The following CCDC92B variants were observed in gnomAD, a reference collection of about 807,000 sequenced individuals.
CCDC92B encodes the protein coiled-coil domain-containing 92B.
In CCDC92B, 2 loss-of-function variants were observed where a neutral mutation model predicts 5.6. That is an observed-to-expected ratio of 0.36 (90% CI 0.15 to 1.12). The LOEUF is 1.12. CCDC92B is among the 50% of genes most tolerant of loss of function. The pLI, the probability that CCDC92B is intolerant of heterozygous loss-of-function variation, is 0.40. For missense variants in CCDC92B, 271 were observed against 262.2 expected (o/e 1.03, Z -0.23); for synonymous variants, 115 against 122.3 (o/e 0.94, Z 0.39).
intron 2 of CCDC92B, among the ~76,000 whole-genome samples, chr17:2,733,262 T>C (rs1025247752): frequency 4.2e-4 from 61 of 145,206 alleles, no homozygotes; most frequent in Admixed American, 2.6e-3. Flanking sequence ...CCTCTTCTCT[T>C]TTTTTTTTTT....
At chr17:2,727,805 CAG>C (rs1344783340) in intron 3 of CCDC92B, among the ~76,000 whole-genome samples, 10 of 141,462 alleles carry the variant, frequency 7.1e-5, no homozygotes, top group South Asian at 2.3e-4. Flanking sequence ...GCCTGGGCGC[CAG>C]AGTGAGACTC....
chr17:2,735,351 G>A (rs2070846263), intron 1 of CCDC92B, among the ~76,000 whole-genome samples, 183 bp from the exon 2 acceptor site: 1 of 152,212 alleles, frequency 6.6e-6, no homozygotes, highest in South Asian at 2.1e-4. Context: ...GAGTTGGCAG[G>A]AAAGCATCAT....
chr17:2,735,423 C>A (rs2070847195), intron 1 of CCDC92B, among the ~76,000 whole-genome samples: 1 of 152,126 alleles, frequency 6.6e-6, no homozygotes, highest in Non-Finnish European at 1.5e-5. Context: ...TTCTCCTGTT[C>A]CCATGTAACT....
intron 2 of CCDC92B, among the ~76,000 whole-genome samples, chr17:2,732,631 T>G (rs1173552252): frequency 6.7e-6 from 1 of 149,120 alleles, no homozygotes; most frequent in Non-Finnish European, 1.5e-5. Context: ...GCAGGAGAAT[T>G]GCTTGAACCC....
chr17:2,732,792 T>A (rs1414602134), intron 2 of CCDC92B, among the ~76,000 whole-genome samples: 2 of 150,690 alleles, frequency 1.3e-5, no homozygotes, highest in Non-Finnish European at 2.9e-5. Flanking sequence ...GGTGGGCGGA[T>A]CACGAGGTCA....
chr17:2,724,368 G>C lies in CCDC92B; in HGVS notation c.*43C>G. On this transcript the variant is annotated 3_prime_UTR_variant, in exon 4 of 4. Coordinates refer to ENST00000614400, the MANE Select transcript of CCDC92B (RefSeq NM_001355573.2). The surrounding 1 kb of genome is among the most constrained non-coding windows in gnomAD (Gnocchi z 5.0). ...CGGGGACCGAGCTGCGTCCCTGGCC[G>C]GCCCTCCCCGTCCGTCCCGCGTCAC... 1.0e-6 allele frequency: 1 copy of C among 985,090 alleles called. No individual in the cohort carries two copies. Among genetic ancestry groups the C allele is most frequent in the Non-Finnish European group, 1.2e-6 (1 of 829,814 alleles). 61.0% of individuals were successfully genotyped at this position (985,090 alleles called of 1,614,324 possible).
At chr17:2,730,839 G>A (rs2070786495) in intron 2 of CCDC92B, among the ~76,000 whole-genome samples, 2 of 152,224 alleles carry the variant, frequency 1.3e-5, no homozygotes, top group South Asian at 4.1e-4. Flanking sequence ...TGCCTTTCCT[G>A]GGGTGATATG....
intron 1 of CCDC92B, among the ~76,000 whole-genome samples, chr17:2,747,879 A>C (rs1308280193): frequency 6.6e-6 from 1 of 152,230 alleles, no homozygotes; most frequent in Non-Finnish European, 1.5e-5. Context: ...TATAATAATA[A>C]GTAATTGGTA....
In CCDC92B at chr17:2,735,166, C is replaced by T; in HGVS notation, c.-21G>A. The stretch of plus-strand genomic sequence containing the variant: ...TCCATGGCAACCCAGGCCTGGGCCC[C>T]ACCTAGGGAGGACGACAAGGTGAAC... On this transcript the variant is annotated splice_region_variant and 5_prime_UTR_variant, in exon 2 of 4. Transcript: ENST00000614400. 3.0e-6 allele frequency: 3 copies of T among 985,642 alleles called. No homozygotes were observed. The highest frequency in any genetic ancestry group is 3.6e-6 in the Non-Finnish European group (3 of 830,082). The allele number at this position is 985,642 out of a possible 1,614,324, so 61.1% of individuals were successfully genotyped here.
At position 2,735,100 on chromosome 17, in the gene CCDC92B, G is replaced by A. The variant is rs748785177; in HGVS notation, c.46C>T (p.His16Tyr). ...LEHQIQSVQRHISFLKKEQMA... is the reference protein window; with the variant it reads ...LEHQIQSVQRYISFLKKEQMA... The stretch of plus-strand genomic sequence containing the variant: ...TGCTCCTTTTTCAGGAAGCTGATGT[G>A]GCGTTGCACGCTCTGGATCTGATGC... Residue 16 changes from histidine (H) to tyrosine (Y), a missense_variant, in exon 2 of 4, where the codon CAC becomes TAC. Physicochemically the swap from His to Tyr is moderately conservative, Grantham distance 83. Coordinates refer to ENST00000614400, the MANE Select transcript of CCDC92B (RefSeq NM_001355573.2). 2 of 985,584 alleles carry A rather than the reference G, an allele frequency of 2.0e-6. No homozygotes were observed. The highest frequency in any genetic ancestry group is 2.4e-6 in the Non-Finnish European group (2 of 830,030). The allele number at this position is 985,584 out of a possible 1,614,324, so 61.1% of individuals were successfully genotyped here. A position where few individuals can be genotyped will look rare whatever the true frequency, so the allele number is the denominator to read the frequency against.
chr17:2,746,465 G>C lies in CCDC92B; in HGVS notation c.-24+2946C>G, dbSNP rs1380170617. 2.6e-5 allele frequency among the ~76,000 whole-genome samples: 4 copies of C among 152,152 alleles called. No homozygotes were observed. The East Asian group carries it at 7.7e-4, about 29-fold the overall frequency. On this transcript the variant is annotated intron_variant, in intron 1 of 3. Coordinates refer to ENST00000614400, the MANE Select transcript of CCDC92B (RefSeq NM_001355573.2). ...CCCTTTGGGGAAGTTGGTGGAGAAG[G>C]CTTCTGTGCTCAGGTCCCCAAACAC...
Position 2,723,901 on chromosome 17 carries a change from G to A in CCDC92B, c.*510C>T. ...GGCAGGGTCAGGGTGGGGGTAGAAGGACCAGCCCCTAGCCTGGGCCTCTCC... is the reference window on the plus strand; with the variant it reads ...GGCAGGGTCAGGGTGGGGGTAGAAGAACCAGCCCCTAGCCTGGGCCTCTCC... On this transcript the variant is annotated 3_prime_UTR_variant, in exon 4 of 4. Transcript: ENST00000614400. The A allele has an allele frequency of 1.0e-5, 10 of 978,426 alleles. No homozygotes were observed. The highest frequency in any genetic ancestry group is 1.2e-5 in the Non-Finnish European group (10 of 826,284). The allele number at this position is 978,426 out of a possible 1,614,324, so 60.6% of individuals were successfully genotyped here.
intron 1 of CCDC92B, among the ~76,000 whole-genome samples, chr17:2,736,083 GTT>G (rs2070854223): frequency 2.0e-5 from 3 of 152,280 alleles, no homozygotes; most frequent in Admixed American, 6.5e-5. Context: ...TCTGGTGAAT[GTT>G]TCACTAACAC....
Position 2,722,547 on chromosome 17 carries a change from C to G in CCDC92B, c.*1864G>C, listed in dbSNP as rs549436919. 3.3e-5 allele frequency: 5 copies of G among 152,384 alleles called. No homozygotes were observed. The highest frequency in any genetic ancestry group is 4.8e-5 in the African/African-American group (2 of 41,558). The allele number at this position is 152,384 out of a possible 1,614,324, so 9.4% of individuals were successfully genotyped here. Reference sequence around the variant, plus strand: ...CACATTGCTTGGCCCTGAGTGCGCTCGCTCACTGGTTTCTACTTCTTGCCA... The same window carrying G: ...CACATTGCTTGGCCCTGAGTGCGCTGGCTCACTGGTTTCTACTTCTTGCCA... On this transcript the variant is annotated 3_prime_UTR_variant, in exon 4 of 4. Transcript: ENST00000614400.
At chr17:2,744,190 T>A (rs1010399190) in intron 1 of CCDC92B, among the ~76,000 whole-genome samples, 14 of 151,978 alleles carry the variant, frequency 9.2e-5, no homozygotes, top group East Asian at 3.9e-4. Flanking sequence ...CTAAATTTTT[T>A]TTTTTCATTT....
chr17:2,748,122 A>C (rs748871998), intron 1 of CCDC92B: 13 of 530,832 alleles, frequency 2.4e-5, no homozygotes, highest in Non-Finnish European at 5.0e-5. Context: ...ATCAGCCTGC[A>C]TTTAGCAGTC....
chr17:2,724,476 G>C lies in CCDC92B; in HGVS notation c.703C>G (p.Pro235Ala), dbSNP rs1177849939. The C allele has an allele frequency of 1.0e-6, 1 of 980,900 alleles. No homozygotes were observed. The highest frequency in any genetic ancestry group is 1.2e-6 in the Non-Finnish European group (1 of 826,670). 60.8% of individuals were successfully genotyped at this position (980,900 alleles called of 1,614,324 possible). ...RSPRQPPPQE[P>A]PDRAGPQPAP... ...GGCTGCGGGCCGGCTCGGTCCGGGG[G>C]CTCCTGGGGAGGCGGCTGGCGCGGG... is the stretch of plus-strand genomic sequence containing the variant. The change falls in exon 4 of 4, where the codon CCC (proline) becomes GCC (alanine). Residue 235 changes from proline to alanine, a missense_variant. By Grantham distance (27) the Pro-to-Ala change is conservative. Transcript: ENST00000614400. This position sits in a 1 kb window ranked among gnomAD's most constrained non-coding sequence, Gnocchi z 5.0.
chr17:2,724,162 G>C lies in CCDC92B; in HGVS notation c.*249C>G. The C allele has an allele frequency of 3.0e-6, 3 of 985,400 alleles. No homozygotes were observed. Among genetic ancestry groups the C allele is most frequent in the Non-Finnish European group, 3.6e-6 (3 of 829,920 alleles). 61.0% of individuals were successfully genotyped at this position (985,400 alleles called of 1,614,324 possible). ...CAGGATCGGGACGGCGAGTCCTCTC[G>C]GTAGAGAAGGTGCCCCCGCTCGGCC... On this transcript the variant is annotated 3_prime_UTR_variant, in exon 4 of 4. Coordinates refer to ENST00000614400, the MANE Select transcript of CCDC92B (RefSeq NM_001355573.2). The surrounding 1 kb of genome is among the most constrained non-coding windows in gnomAD (Gnocchi z 5.0).
In CCDC92B at chr17:2,728,273, G is replaced by T. The variant is rs1169226103; in HGVS notation, c.178+2173C>A. Among the ~76,000 whole-genome samples the T allele has an allele frequency of 2.0e-5, 3 of 150,860 alleles. No homozygotes were observed. In the East Asian group the frequency reaches 5.9e-4, roughly 30 times the overall value. Reference sequence around the variant, plus strand: ...GCAGAGGTTGCAGTGAGCAGAGATGGTGCCATGGCACTCCAGCCTGGGTGA... The same window carrying T: ...GCAGAGGTTGCAGTGAGCAGAGATGTTGCCATGGCACTCCAGCCTGGGTGA... On this transcript the variant is annotated intron_variant, in intron 3 of 3. Transcript: ENST00000614400.
Sources: gnomAD v4.1 joint callset for allele counts (sites outside exome capture counted in the v4.1 genomes callset) on GRCh38, gnomAD v4.1.1 for gene constraint, Gnocchi (gnomAD v3.1) non-coding constraint, MANE v1.5 for transcripts, NCBI Gene and HGNC (gene_info 2026-07-23, HGNC 2026-07-21) for gene names.